Variants in TMOD2 observed in about 807,000 individuals in gnomAD.
TMOD2 encodes tropomodulin 2, also known as tropomodulin-2.
TMOD2 carries 22 observed loss-of-function variants against 39.9 expected under a neutral mutation model. The observed-to-expected ratio is 0.55, with a 90% CI of 0.39 to 0.79. The LOEUF (loss-of-function observed/expected upper bound fraction) is 0.79, where lower values mean the gene tolerates loss of function less well. Ranked by LOEUF, TMOD2 falls within the 30% of genes least tolerant of loss-of-function variation. TMOD2 has a pLI of 0.00. For missense variants in TMOD2, 386 were observed against 413.3 expected, an observed-to-expected ratio of 0.93 and a Z score of 0.57; for synonymous variants, 123 against 146.1, an observed-to-expected ratio of 0.84 and a Z score of 1.14.
At chr15:51,785,164 GCA>G (rs1160468706) in intron 7 of TMOD2, among the ~76,000 whole-genome samples, 2 of 152,118 alleles carry the variant, frequency 1.3e-5, no homozygotes, top group Admixed American at 6.5e-5. Context: ...TGTAATCCCA[GCA>G]CTTTGGGAGG....
chr15:51,793,980 G>A (rs2056030494), intron 7 of TMOD2, among the ~76,000 whole-genome samples: 1 of 152,232 alleles, frequency 6.6e-6, no homozygotes, highest in South Asian at 2.1e-4. Context: ...ATGCGATAGT[G>A]TAAATCCAAA....
chr15:51,787,720 T>A (rs1192405387), intron 7 of TMOD2, among the ~76,000 whole-genome samples: 1 of 152,136 alleles, frequency 6.6e-6, no homozygotes. Context: ...GAAAACAGGG[T>A]CTGGAGTGGA....
chr15:51,775,584 T>C lies in TMOD2; in HGVS notation c.407-1348T>C, dbSNP rs1175850481. 5.1e-5 allele frequency among the ~76,000 whole-genome samples: 7 copies of C among 136,396 alleles called. No homozygotes were observed. The Admixed American group carries it at 5.1e-4, about 10-fold the overall frequency. 89.5% of individuals were successfully genotyped at this position (136,396 alleles called of 152,430 possible). A position where few individuals can be genotyped will look rare whatever the true frequency, so the allele number is the denominator to read the frequency against. ...AATTCTTTTTCCTTTTTTTTTTTTT[T>C]TTTTTTTTTTTGAGACGGAGTCTCA... is the stretch of plus-strand genomic sequence containing the variant. On this transcript the variant is annotated intron_variant, in intron 4 of 9. Coordinates refer to ENST00000249700, the MANE Select transcript of TMOD2 (RefSeq NM_014548.4).
chr15:51,773,797 G>A lies in TMOD2; in HGVS notation c.369G>A (p.Leu123=), dbSNP rs1209777553. ...TTGACCCAGAACTGGAAGAAGCTTT[G>A]GCCAGTGCCTCTGACACCGAACTCT... ...VTLDPELEEA[L]ASASDTELYD... Residue 123 remains leucine, a synonymous_variant, in exon 4 of 10, where the codon TTG becomes TTA. Coordinates refer to ENST00000249700, the MANE Select transcript of TMOD2 (RefSeq NM_014548.4). 6.2e-7 allele frequency: 1 copy of A among 1,613,204 alleles called. No individual in the cohort carries two copies. The highest frequency in any genetic ancestry group is 2.2e-5 in the East Asian group (1 of 44,876).
chr15:51,765,351 C>A (rs1336008850), intron 1 of TMOD2, among the ~76,000 whole-genome samples: 1 of 152,162 alleles, frequency 6.6e-6, no homozygotes, highest in Non-Finnish European at 1.5e-5. Flanking sequence ...ATACTTATGA[C>A]ATTATTGCTA....
At position 51,815,583 on chromosome 15, in the gene TMOD2, T is replaced by C. The variant is rs535814089; in HGVS notation, c.*7129T>C. 7 of 152,228 alleles carry C rather than the reference T, an allele frequency of 4.6e-5. No homozygotes were observed. The South Asian group carries it at 1.0e-3, about 23-fold the overall frequency. The allele number at this position is 152,228 out of a possible 1,614,324, so 9.4% of individuals were successfully genotyped here. On this transcript the variant is annotated 3_prime_UTR_variant, in exon 10 of 10. Transcript: ENST00000249700. ...ATAGGAAATGTGCTTTTTGAGGAAA[T>C]TTTATTTTAGTACCAAATGTTGCCA...
intron 8 of TMOD2, among the ~76,000 whole-genome samples, chr15:51,804,279 A>G (rs1003880114): frequency 6.6e-6 from 1 of 152,266 alleles, no homozygotes; most frequent in African/African-American, 2.4e-5. Flanking sequence ...TATATGGATG[A>G]GGTAAATGTA....
chr15:51,776,101 C>A (rs1000026838), intron 4 of TMOD2, among the ~76,000 whole-genome samples: 1 of 152,174 alleles, frequency 6.6e-6, no homozygotes, highest in Non-Finnish European at 1.5e-5. Flanking sequence ...TTCACCGGGT[C>A]CTTGCTAGCT....
At chr15:51,760,834 T>C (rs2055775757) in intron 1 of TMOD2, among the ~76,000 whole-genome samples, 1 of 152,014 alleles carries the variant, frequency 6.6e-6, no homozygotes, top group Admixed American at 6.5e-5. Flanking sequence ...TCCTTAATCC[T>C]TAATCTAATC....
intron 4 of TMOD2, among the ~76,000 whole-genome samples, chr15:51,774,696 T>C (rs1453199086): frequency 6.6e-6 from 1 of 151,830 alleles, no homozygotes; most frequent in East Asian, 1.9e-4. Flanking sequence ...ACTGCAGGAG[T>C]TGAGGCGATG....
At chr15:51,777,870 C>T (rs1199426797) in intron 5 of TMOD2, among the ~76,000 whole-genome samples, 1 of 152,138 alleles carries the variant, frequency 6.6e-6, no homozygotes, top group Non-Finnish European at 1.5e-5. Context: ...GAAATAGGAA[C>T]ACTTTTACAC....
intron 1 of TMOD2, among the ~76,000 whole-genome samples, chr15:51,757,988 G>C (rs1245109804): frequency 6.6e-6 from 1 of 152,114 alleles, no homozygotes; most frequent in Non-Finnish European, 1.5e-5. Flanking sequence ...ACTGAGGCAA[G>C]AGGTTCACTT....
intron 1 of TMOD2, among the ~76,000 whole-genome samples, chr15:51,752,329 C>T (rs2055711302): frequency 1.3e-5 from 2 of 152,130 alleles, no homozygotes; most frequent in South Asian, 2.1e-4. Flanking sequence ...CCTAAATGTT[C>T]CCTGTTGACC....
chr15:51,762,315 C>T (rs549330330), intron 1 of TMOD2, among the ~76,000 whole-genome samples: 2 of 151,840 alleles, frequency 1.3e-5, no homozygotes, highest in Admixed American at 1.3e-4. Context: ...AAAAAATAGC[C>T]CGGCATGGTG....
intron 4 of TMOD2, among the ~76,000 whole-genome samples, chr15:51,775,581 T>C (rs993819307): frequency 1.4e-4 from 18 of 133,188 alleles, no homozygotes; most frequent in Admixed American, 6.8e-4. Flanking sequence ...TTTTTTTTTT[T>C]TTTTTTTTTT....
At chr15:51,763,097 G>A (rs2055792385) in intron 1 of TMOD2, among the ~76,000 whole-genome samples, 1 of 116,902 alleles carries the variant, frequency 8.6e-6, no homozygotes, top group Non-Finnish European at 1.8e-5. Context: ...ACCATGCCCA[G>A]CTAATTTTTA....
intron 8 of TMOD2, among the ~76,000 whole-genome samples, chr15:51,804,579 T>G (rs2056109947): frequency 7.0e-6 from 1 of 142,498 alleles, no homozygotes; most frequent in Non-Finnish European, 1.6e-5. Context: ...TGTTTTGTTT[T>G]GTTTTTTTTT....
At position 51,814,681 on chromosome 15, in the gene TMOD2, C is replaced by T. The variant is rs2056177265; in HGVS notation, c.*6227C>T. 1 of 152,224 alleles carries T rather than the reference C, an allele frequency of 6.6e-6. No individual in the cohort carries two copies. Among genetic ancestry groups the T allele is most frequent in the South Asian group, 2.1e-4 (1 of 4,834 alleles). The allele number at this position is 152,224 out of a possible 1,614,324, so 9.4% of individuals were successfully genotyped here. A position where few individuals can be genotyped will look rare whatever the true frequency, so the allele number is the denominator to read the frequency against. Reference sequence around the variant, plus strand: ...TCTATGTGACTTTGGGCAAGACTCTCCATCTATCTTGTCTTCATTTCATCT... The same window carrying T: ...TCTATGTGACTTTGGGCAAGACTCTTCATCTATCTTGTCTTCATTTCATCT... On this transcript the variant is annotated 3_prime_UTR_variant, in exon 10 of 10. Coordinates refer to ENST00000249700, the MANE Select transcript of TMOD2 (RefSeq NM_014548.4).
At chr15:51,760,265 C>A (rs1470913947) in intron 1 of TMOD2, among the ~76,000 whole-genome samples, 1 of 152,240 alleles carries the variant, frequency 6.6e-6, no homozygotes, top group East Asian at 1.9e-4. Context: ...ACACATGTCA[C>A]TGGGCTAAAA....
Sources: gnomAD v4.1 joint callset for allele counts (sites outside exome capture counted in the v4.1 genomes callset) on GRCh38, gnomAD v4.1.1 for gene constraint, MANE v1.5 for transcripts, NCBI Gene and HGNC (gene_info 2026-07-23, HGNC 2026-07-21) for gene names.